The following C8B variants were observed in gnomAD, a reference collection of about 807,000 sequenced individuals.
The protein encoded by C8B is complement component C8 beta chain.
In C8B, 67 loss-of-function variants were observed where a neutral mutation model predicts 64.6. The observed-to-expected ratio is 1.04, with a 90% CI of 0.85 to 1.27. C8B has a LOEUF of 1.27. Ranked by LOEUF, C8B falls within the 50% of genes most tolerant of loss-of-function variation. The pLI, the probability that C8B is intolerant of heterozygous loss-of-function variation, is 0.00. For synonymous variants in C8B, 284 were observed against 257.7 expected, an observed-to-expected ratio of 1.10 and a Z score of -0.98; for missense variants, 790 against 725.2, an observed-to-expected ratio of 1.09 and a Z score of -1.03.
chr1:56,964,820 TC>T (rs1291176578), intron 1 of C8B, among the ~76,000 whole-genome samples: 1 of 152,162 alleles, frequency 6.6e-6, no homozygotes, highest in African/African-American at 2.4e-5. Context: ...TTCCCTTAAG[TC>T]CTCCATTCCG....
At chr1:56,936,687 T>G (rs1381745419) in intron 9 of C8B, among the ~76,000 whole-genome samples, 1 of 151,732 alleles carries the variant, frequency 6.6e-6, no homozygotes, top group African/African-American at 2.4e-5. Flanking sequence ...CTCCACCTCC[T>G]GGGTTCAAGC....
At chr1:56,952,925 A>G (rs924739921) in intron 4 of C8B, among the ~76,000 whole-genome samples, 2 of 152,170 alleles carry the variant, frequency 1.3e-5, no homozygotes, top group African/African-American at 4.8e-5. Flanking sequence ...CACCCTCACT[A>G]TACTGTGTGC....
At chr1:56,947,176 A>G (rs1275252456) in intron 6 of C8B, among the ~76,000 whole-genome samples, 1 of 152,130 alleles carries the variant, frequency 6.6e-6, no homozygotes, top group Non-Finnish European at 1.5e-5. Flanking sequence ...TTGTATTATG[A>G]CCATGCTCCT....
intron 6 of C8B, among the ~76,000 whole-genome samples, chr1:56,949,144 C>A (rs1038388155): frequency 6.6e-6 from 1 of 152,018 alleles, no homozygotes; most frequent in Non-Finnish European, 1.5e-5. Context: ...ATGTCCCCTC[C>A]AAAACTCATG....
intron 6 of C8B, among the ~76,000 whole-genome samples, chr1:56,948,208 A>G (rs1024775838): frequency 6.6e-6 from 1 of 152,210 alleles, no homozygotes; most frequent in South Asian, 2.1e-4. Context: ...TCAGATTAGT[A>G]TCATAGAAAT....
Position 56,949,738 on chromosome 1 carries a change from G to T in C8B, c.681C>A (p.Tyr227Ter). ...ATTCATACTCTTTTAATATGAATTCGTATTTGCCTTGGGTCTAAAGAAGAA... is the reference window on the plus strand; with the variant it reads ...ATTCATACTCTTTTAATATGAATTCTTATTTGCCTTGGGTCTAAAGAAGAA... The part of the protein sequence containing the change: ...ESYTPQTQGK[Y>*]EFILKEYESY... The change falls in exon 6 of 12, where the codon TAC (tyrosine) becomes TAA (stop). Residue 227 changes from tyrosine to a stop codon, truncating the protein, a stop_gained. Transcript: ENST00000371237. LOFTEE classifies it high-confidence loss of function. 2.5e-6 allele frequency: 4 copies of T among 1,612,140 alleles called. No individual in the cohort carries two copies. The highest frequency in any genetic ancestry group is 3.4e-6 in the Non-Finnish European group (4 of 1,178,752).
At position 56,959,658 on chromosome 1, in the gene C8B, C is replaced by T. The variant is rs2101462224; in HGVS notation, c.249+362G>A. The T allele has an allele frequency of 5.9e-6, 9 of 1,529,324 alleles. No individual in the cohort carries two copies. The South Asian group carries it at 1.1e-4, about 18-fold the overall frequency. The allele number at this position is 1,529,324 out of a possible 1,614,324, so 94.7% of individuals were successfully genotyped here. A position where few individuals can be genotyped will look rare whatever the true frequency, so the allele number is the denominator to read the frequency against. On this transcript the variant is annotated intron_variant, in intron 2 of 11. Transcript: ENST00000371237. ...GAAAACCATGATCCTGGACTTGATCCTAAGGGTCATGGGTAGACTGTGAAT... is the reference window on the plus strand; with the variant it reads ...GAAAACCATGATCCTGGACTTGATCTTAAGGGTCATGGGTAGACTGTGAAT...
rs1384111467 is a variant in C8B at position 56,950,969 on chromosome 1, C to A, written c.666+1079G>T. Among the ~76,000 whole-genome samples, 2 of 152,138 alleles carry A rather than the reference C, an allele frequency of 1.3e-5. 1 individual carries two copies. The highest frequency in any genetic ancestry group is 4.1e-4 in the South Asian group (2 of 4,826). ...GAGGTTTTGAGGATGGCACTGGACA[C>A]CCCAATGGAGAGTGTGTTTGGCGCT... On this transcript the variant is annotated intron_variant, in intron 5 of 11. Transcript: ENST00000371237.
chr1:56,962,145 A>G (rs150154710), intron 1 of C8B, among the ~76,000 whole-genome samples: 8 of 152,356 alleles, frequency 5.3e-5, no homozygotes, highest in East Asian at 3.9e-4. Context: ...AAGAGTCACA[A>G]TTATTTTCGT....
intron 9 of C8B, among the ~76,000 whole-genome samples, chr1:56,938,881 C>T (rs751291569): frequency 7.2e-6 from 1 of 139,776 alleles, no homozygotes; most frequent in Non-Finnish European, 1.6e-5. Flanking sequence ...TCTGCAGTTC[C>T]CTCTTGCCAG....
intron 3 of C8B, 108 bp downstream of exon 3, chr1:56,956,661 C>T (rs973585241): frequency 3.3e-6 from 4 of 1,222,064 alleles, no homozygotes; most frequent in Non-Finnish European, 4.8e-6. Flanking sequence ...GCCTCCTGAG[C>T]TGCCCCATGA....
intron 6 of C8B, 87 bp from the exon 7 acceptor site, chr1:56,946,148 G>A (rs980571232): frequency 2.0e-6 from 3 of 1,508,376 alleles, no homozygotes; most frequent in African/African-American, 1.4e-5. Context: ...ACCATCCGAT[G>A]TTCTTGGCCT....
chr1:56,958,231 G>A (rs1246590759), intron 2 of C8B, among the ~76,000 whole-genome samples: 3 of 152,100 alleles, frequency 2.0e-5, no homozygotes, highest in Non-Finnish European at 2.9e-5. Flanking sequence ...GATCAGATTT[G>A]GGTGATTTCC....
At position 56,952,057 on chromosome 1, in the gene C8B, G is replaced by A. The variant is rs759552062; in HGVS notation, c.657C>T (p.Tyr219=). The change falls in exon 5 of 12, where the codon TAC becomes TAT. Residue 219 remains tyrosine, a synonymous_variant. Transcript: ENST00000371237. The part of the protein sequence containing the change: ...RFRKPYNVES[Y]TPQTQGKYEF... ...CCTGGCTGTCTCTTACCTGTGGCGT[G>A]TAGCTTTCCACATTGTAGGGCTTCC... The A allele has an allele frequency of 1.2e-6, 2 of 1,614,110 alleles. No individual in the cohort carries two copies. Among genetic ancestry groups the A allele is most frequent in the Admixed American group, 1.7e-5 (1 of 60,022 alleles).
At position 56,959,974 on chromosome 1, in the gene C8B, C is replaced by G. The variant is rs1005719936; in HGVS notation, c.249+46G>C. ...ATGGCTCAGCCGATCTTGCTGGGGA[C>G]AAAGGCTCCTGGAAGCTTAGAGCTG... On this transcript the variant is annotated intron_variant, in intron 2 of 11. Transcript: ENST00000371237. The G allele has an allele frequency of 3.1e-6, 5 of 1,612,072 alleles. No homozygotes were observed. In the East Asian group the frequency reaches 1.1e-4, roughly 36 times the overall value.
chr1:56,938,818 A>G (rs1277369351), intron 9 of C8B, among the ~76,000 whole-genome samples: 1 of 152,168 alleles, frequency 6.6e-6, no homozygotes, highest in Non-Finnish European at 1.5e-5. Context: ...CACTCCAGCT[A>G]CCTGGTAAGT....
chr1:56,933,419 T>A lies in C8B; in HGVS notation c.1468A>T (p.Lys490Ter), dbSNP rs1644730550. ...AYSSTVRQNM[K>*]QALEEFQKEV... The stretch of plus-strand genomic sequence containing the variant: ...TTCTGGAACTCCTCCAGTGCCTGCT[T>A]CATGTTCTGCCTCACTGTGCTGGAA... The change falls in exon 10 of 12, where the codon AAG (lysine) becomes TAG (stop). Residue 490 changes from lysine to a stop codon, truncating the protein, a stop_gained. Coordinates refer to ENST00000371237, the MANE Select transcript of C8B (RefSeq NM_000066.4). LOFTEE classifies it high-confidence loss of function. 2.5e-6 allele frequency: 4 copies of A among 1,613,642 alleles called. No individual in the cohort carries two copies. Among genetic ancestry groups the A allele is most frequent in the Non-Finnish European group, 3.4e-6 (4 of 1,179,582 alleles).
intron 3 of C8B, among the ~76,000 whole-genome samples, chr1:56,956,317 T>C (rs1418256689): frequency 6.6e-6 from 1 of 152,140 alleles, no homozygotes; most frequent in African/African-American, 2.4e-5. Flanking sequence ...AACAGACCTG[T>C]AAGGTATTCA....
intron 9 of C8B, among the ~76,000 whole-genome samples, chr1:56,937,806 T>C (rs1379879758): frequency 1.3e-5 from 2 of 152,230 alleles, no homozygotes; most frequent in Non-Finnish European, 2.9e-5. Context: ...AGCAACTTTT[T>C]ATGTGACTTC....
Sources: allele counts gnomAD v4.1 joint callset (sites outside exome capture counted in the v4.1 genomes callset), GRCh38; gene constraint gnomAD v4.1.1; transcripts MANE v1.5; gene names NCBI Gene and HGNC (gene_info 2026-07-23, HGNC 2026-07-21).